The following CTSB variants were observed in gnomAD, a reference collection of about 807,000 sequenced individuals.
CTSB encodes cathepsin B, also known as APP secretase.
A neutral mutation model predicts 44.3 loss-of-function variants in CTSB; 57 were observed. The observed-to-expected ratio is 1.29, with a 90% confidence interval of 1.04 to 1.60. The LOEUF is 1.60. CTSB is among the 40% of genes most tolerant of loss of function. The pLI, the probability that CTSB is intolerant of heterozygous loss-of-function variation, is 0.00. For synonymous variants in CTSB, 320 were observed against 168.0 expected (o/e 1.91, Z -7.00); for missense variants, 768 against 443.0 (o/e 1.73, Z -6.59).
intron 1 of CTSB, among the ~76,000 whole-genome samples, chr8:11,859,884 C>A (rs1816134868): frequency 2.0e-5 from 3 of 151,212 alleles, no homozygotes; most frequent in African/African-American, 7.3e-5. Context: ...ACCAGCCTGG[C>A]CAACATGGTG....
intron 1 of CTSB, among the ~76,000 whole-genome samples, chr8:11,862,935 A>G (rs942106798): frequency 1.3e-5 from 2 of 152,208 alleles, no homozygotes; most frequent in Non-Finnish European, 2.9e-5. Flanking sequence ...TGACCAGACC[A>G]AAGAAGTTAC....
Position 11,847,871 on chromosome 8 carries a change from A to AAGCCCCAGCTGGGCGACGC in CTSB, c.533-50_533-49insGCGTCGCCCAGCTGGGGCT, listed in dbSNP as rs3215434. On this transcript the variant is annotated intron_variant, in intron 6 of 9. Coordinates refer to ENST00000353047, the MANE Select transcript of CTSB (RefSeq NM_001908.5). ...GAGTCAACCTACAGCCCCCACGGAG[A>AAGCCCCAGCTGGGCGACGC]AGACCTGGGGCAAGGCAAGCCTCGT... 9 of 1,555,122 alleles carry AAGCCCCAGCTGGGCGACGC rather than the reference A, an allele frequency of 5.8e-6. No individual in the cohort carries two copies. The South Asian group carries it at 9.7e-5, about 17-fold the overall frequency.
At chr8:11,855,495 G>A (rs1407726531) in intron 1 of CTSB, among the ~76,000 whole-genome samples, 1 of 152,018 alleles carries the variant, frequency 6.6e-6, no homozygotes. Flanking sequence ...CATCAATATA[G>A]AAAATAAAGT....
intron 4 of CTSB, 123 bp from the exon 5 acceptor site, chr8:11,849,287 G>A (rs1772486889): frequency 6.2e-6 from 4 of 648,020 alleles, no homozygotes; most frequent in African/African-American, 3.6e-5. Context: ...CAACACCAGG[G>A]GACGCTCCTG....
Position 11,850,793 on chromosome 8 carries a change from G to GA in CTSB, c.327+72dup, listed in dbSNP as rs1298397798. On this transcript the variant is annotated intron_variant, in intron 4 of 9. Transcript: ENST00000353047. ...GCCTTGTCAGAGTTGTCCCCACCCC[G>GA]AATCCCCCAAGACTCTCCAGTGTTG... The GA allele has an allele frequency of 2.8e-6, 3 of 1,078,828 alleles. No individual in the cohort carries two copies. The African/African-American group carries it at 4.7e-5, about 17-fold the overall frequency. 66.8% of individuals were successfully genotyped at this position (1,078,828 alleles called of 1,614,324 possible).
intron 4 of CTSB, chr8:11,849,890 T>A (rs1006719242): frequency 6.6e-6 from 1 of 152,176 alleles, no homozygotes; most frequent in African/African-American, 2.4e-5. Context: ...TGTGTTTTTT[T>A]CTTAACAAAA....
chr8:11,851,002 T>A (rs1310593522), intron 3 of CTSB, 22 bp from the exon 4 acceptor site: 12 of 1,567,050 alleles, frequency 7.7e-6, no homozygotes, highest in Non-Finnish European at 1.1e-5. Flanking sequence ...AAGGTCTTCA[T>A]TACAAGCTCT....
chr8:11,851,769 C>T (rs1303377833), intron 3 of CTSB, among the ~76,000 whole-genome samples: 5 of 151,904 alleles, frequency 3.3e-5, no homozygotes, highest in Non-Finnish European at 5.9e-5. Flanking sequence ...CGGGTTCATG[C>T]GATTCTCTAG....
chr8:11,853,225 A>G lies in CTSB; in HGVS notation c.126+104T>C, dbSNP rs1041467607. On this transcript the variant is annotated intron_variant, in intron 2 of 9. Coordinates refer to ENST00000353047, the MANE Select transcript of CTSB (RefSeq NM_001908.5). ...GGGCCATTTTTCAACAGTCCAGGAC[A>G]ATGTTCTGTGGGCCACAGTGAGGGC... 6.0e-6 allele frequency: 9 copies of G among 1,494,200 alleles called. No individual in the cohort carries two copies. The South Asian group carries it at 1.0e-4, about 17-fold the overall frequency. The allele number at this position is 1,494,200 out of a possible 1,614,324, so 92.6% of individuals were successfully genotyped here.
Position 11,850,855 on chromosome 8 carries a change from C to T in CTSB, c.327+11G>A, listed in dbSNP as rs201548720. 13 of 1,600,338 alleles carry T rather than the reference C, an allele frequency of 8.1e-6. No individual in the cohort carries two copies. The East Asian group carries it at 2.5e-4, about 30-fold the overall frequency. On this transcript the variant is annotated intron_variant, in intron 4 of 9. Coordinates refer to ENST00000353047, the MANE Select transcript of CTSB (RefSeq NM_001908.5). The stretch of plus-strand genomic sequence containing the variant: ...TCTCCAGCGCTTCCCCGCCAGCCAG[C>T]AGGGCCTTACCCAGCAGGAGCCACA...
At chr8:11,852,724 G>T (rs1814820792) in intron 2 of CTSB, 29 bp from the exon 3 acceptor site, 1 of 1,605,528 alleles carries the variant, frequency 6.2e-7, no homozygotes, top group South Asian at 1.1e-5. Flanking sequence ...CTGACTGAAG[G>T]GTCTCCCGGG....
At chr8:11,851,032 C>T (rs1200476757) in intron 3 of CTSB, 52 bp from the exon 4 acceptor site, 2 of 1,378,506 alleles carry the variant, frequency 1.5e-6, no homozygotes, top group Non-Finnish European at 2.0e-6. Flanking sequence ...ACTCCCTCCC[C>T]AATCCCTGCA....
chr8:11,852,830 T>C (rs1436138231), intron 2 of CTSB, 135 bp from the exon 3 acceptor site: 9 of 737,180 alleles, frequency 1.2e-5, no homozygotes, highest in Non-Finnish European at 2.0e-5. Context: ...TGGGGGGCAC[T>C]GGGGAACAGC....
In CTSB at chr8:11,845,913, C is replaced by A. The variant is rs907141066; in HGVS notation, c.794-124G>T. 4.2e-5 allele frequency: 50 copies of A among 1,178,988 alleles called. No individual in the cohort carries two copies. The East Asian group carries it at 1.4e-3, about 32-fold the overall frequency. The allele number at this position is 1,178,988 out of a possible 1,614,324, so 73.0% of individuals were successfully genotyped here. A position where few individuals can be genotyped will look rare whatever the true frequency, so the allele number is the denominator to read the frequency against. On this transcript the variant is annotated intron_variant, in intron 8 of 9. Coordinates refer to ENST00000353047, the MANE Select transcript of CTSB (RefSeq NM_001908.5). The stretch of plus-strand genomic sequence containing the variant: ...CAGCTTCCAGAGGGAACCTGCTGCT[C>A]CACCAGGAGGCTCCAGGGGGGGTCC...
chr8:11,856,518 C>G (rs895145477), intron 1 of CTSB, among the ~76,000 whole-genome samples: 1 of 152,058 alleles, frequency 6.6e-6, no homozygotes, highest in African/African-American at 2.4e-5. Context: ...GAGGCTGAGG[C>G]AGTAGAATCA....
rs1021277513 is a variant in CTSB at position 11,845,034 on chromosome 8, C to T, written c.*91G>A. On this transcript the variant is annotated 3_prime_UTR_variant, in exon 10 of 10. Transcript: ENST00000353047. ...GCCAATCCAGTCCTTCAGACCCTGT[C>T]TGAAACTTGTATCTTACGTGAACTT... is the stretch of plus-strand genomic sequence containing the variant. 83 of 903,070 alleles carry T rather than the reference C, an allele frequency of 9.2e-5. No individual in the cohort carries two copies. The East Asian group carries it at 2.1e-3, about 22-fold the overall frequency. The allele number at this position is 903,070 out of a possible 1,614,324, so 55.9% of individuals were successfully genotyped here.
intron 4 of CTSB, 92 bp downstream of exon 4, chr8:11,850,774 T>C: frequency 2.5e-6 from 2 of 807,820 alleles, no homozygotes; most frequent in South Asian, 3.3e-5. Context: ...ACTTGCCTTG[T>C]CAGAGTTGTC....
intron 9 of CTSB, 77 bp downstream of exon 9, chr8:11,845,584 G>A (rs1238741595): frequency 1.7e-5 from 26 of 1,545,124 alleles, no homozygotes; most frequent in Admixed American, 8.9e-5. Flanking sequence ...GCGGTGGGTA[G>A]AACAGAGAAA....
At chr8:11,854,984 C>G (rs553258216) in intron 1 of CTSB, 1 of 152,298 alleles carries the variant, frequency 6.6e-6, no homozygotes, top group African/African-American at 2.4e-5. Context: ...AATCTTCACA[C>G]TGGACTCCTC....
Sources: allele counts gnomAD v4.1 joint callset (sites outside exome capture counted in the v4.1 genomes callset), GRCh38; gene constraint gnomAD v4.1.1; transcripts MANE v1.5; gene names NCBI Gene and HGNC (gene_info 2026-07-23, HGNC 2026-07-21).